The following WDR49 variants were observed in gnomAD, a reference collection of about 807,000 sequenced individuals.
WDR49 encodes cilia- and flagella-associated protein 337.
A neutral mutation model predicts 119.5 loss-of-function variants in WDR49; 107 were observed. That is an observed-to-expected ratio of 0.90 (90% CI 0.77 to 1.05). WDR49 has a LOEUF of 1.05. WDR49 is among the 50% of genes least tolerant of loss of function. The probability of loss-of-function intolerance (pLI) is 0.00; values close to 1 mark genes in which losing one functional copy is unlikely to be tolerated. For synonymous variants in WDR49, 425 were observed against 418.8 expected (o/e 1.01, Z -0.18); for missense variants, 1,240 against 1,220.5 (o/e 1.02, Z -0.24).
chr3:167,623,343 G>A (rs757956866), intron 3 of WDR49, among the ~76,000 whole-genome samples: 7 of 151,936 alleles, frequency 4.6e-5, no homozygotes, highest in Non-Finnish European at 1.5e-5. Context: ...ACACATCATA[G>A]CAAAGTAATA....
chr3:167,533,474 A>G (rs1195835609), intron 11 of WDR49, among the ~76,000 whole-genome samples: 1 of 152,100 alleles, frequency 6.6e-6, no homozygotes, highest in Non-Finnish European at 1.5e-5. Flanking sequence ...ACTTTTTATT[A>G]TTGGGTAAAA....
At chr3:167,566,794 A>G in intron 8 of WDR49, 1 of 613,206 alleles carries the variant, frequency 1.6e-6, no homozygotes, top group South Asian at 2.1e-5. Flanking sequence ...AGAAAATGTT[A>G]TTAAGAAAAT....
At chr3:167,541,606 A>G (rs1711838848) in intron 10 of WDR49, among the ~76,000 whole-genome samples, 1 of 152,180 alleles carries the variant, frequency 6.6e-6, no homozygotes, top group Non-Finnish European at 1.5e-5. Flanking sequence ...CAAATCTCAC[A>G]GAGCCTATGA....
At chr3:167,616,856 G>A (rs1305869903) in intron 5 of WDR49, among the ~76,000 whole-genome samples, 1 of 152,144 alleles carries the variant, frequency 6.6e-6, no homozygotes, top group Non-Finnish European at 1.5e-5. Context: ...ATTGTATTAT[G>A]TGTTATACTG....
intron 2 of WDR49, among the ~76,000 whole-genome samples, chr3:167,636,218 G>A (rs1717612679): frequency 6.6e-6 from 1 of 151,060 alleles, no homozygotes; most frequent in South Asian, 2.1e-4. Context: ...TACGATGTTT[G>A]GTTTTCTATT....
chr3:167,573,425 C>CACACACACACA, intron 8 of WDR49, among the ~76,000 whole-genome samples: 1 of 147,504 alleles, frequency 6.8e-6, no homozygotes, highest in Non-Finnish European at 1.5e-5. Flanking sequence ...CACACACACA[C>CACACACACACA]ACACAACACA....
chr3:167,513,531 A>G (rs1752073297), intron 16 of WDR49, among the ~76,000 whole-genome samples: 1 of 152,196 alleles, frequency 6.6e-6, no homozygotes, highest in African/African-American at 2.4e-5. Flanking sequence ...GACCAATGAC[A>G]CCATGAAGAA....
At chr3:167,530,627 A>G (rs1577220883) in intron 13 of WDR49, among the ~76,000 whole-genome samples, 1 of 151,650 alleles carries the variant, frequency 6.6e-6, no homozygotes, top group Non-Finnish European at 1.5e-5. Flanking sequence ...TTGTCCTGGG[A>G]TTAGCAATTC....
chr3:167,488,919 T>G (rs1300386179), intron 18 of WDR49, among the ~76,000 whole-genome samples: 1 of 152,106 alleles, frequency 6.6e-6, no homozygotes, highest in Non-Finnish European at 1.5e-5. Context: ...GTTTTATACT[T>G]GTTTCCTGTG....
chr3:167,622,162 T>C (rs1450287896), intron 3 of WDR49, among the ~76,000 whole-genome samples: 1 of 152,040 alleles, frequency 6.6e-6, no homozygotes, highest in Non-Finnish European at 1.5e-5. Flanking sequence ...ATTCACACAT[T>C]GGATTTACTA....
intron 4 of WDR49, among the ~76,000 whole-genome samples, chr3:167,620,874 G>T (rs1161587679): frequency 6.6e-6 from 1 of 152,100 alleles, no homozygotes; most frequent in Non-Finnish European, 1.5e-5. Flanking sequence ...AAAGGAAATT[G>T]TTCCAATTAG....
chr3:167,624,713 G>A (rs2108325290), intron 3 of WDR49, among the ~76,000 whole-genome samples: 1 of 152,188 alleles, frequency 6.6e-6, no homozygotes, highest in African/African-American at 2.4e-5. Flanking sequence ...TAAGATTTTA[G>A]TTCAGTGCTG....
intron 11 of WDR49, among the ~76,000 whole-genome samples, chr3:167,536,647 T>A (rs1022332378): frequency 2.0e-5 from 3 of 150,388 alleles, no homozygotes; most frequent in Non-Finnish European, 4.4e-5. Context: ...GCCACTGCAC[T>A]CTAGCCTGGG....
intron 10 of WDR49, among the ~76,000 whole-genome samples, chr3:167,551,116 C>G (rs897199870): frequency 1.3e-5 from 2 of 151,938 alleles, no homozygotes; most frequent in African/African-American, 4.8e-5. Context: ...ATATGAATGA[C>G]TGTATTCCCA....
At chr3:167,525,021 A>T (rs1263516265) in intron 15 of WDR49, among the ~76,000 whole-genome samples, 1 of 152,124 alleles carries the variant, frequency 6.6e-6, no homozygotes, top group Non-Finnish European at 1.5e-5. Flanking sequence ...CATGATATCG[A>T]TTCTTCCTGT....
At position 167,503,567 on chromosome 3, in the gene WDR49, G is replaced by A. The variant is rs1402806872; in HGVS notation, c.2884+1740C>T. ...GACTAGTGTTCAGCTCAATTAGGAC[G>A]AACCAGGGCACTTAGCCGTGCAGGA... On this transcript the variant is annotated intron_variant, in intron 17 of 18. Coordinates refer to ENST00000682715, the MANE Select transcript of WDR49 (RefSeq NM_001366157.1). Among the ~76,000 whole-genome samples the A allele has an allele frequency of 8.5e-5, 13 of 152,294 alleles. No homozygotes were observed. In the South Asian group the frequency reaches 1.7e-3, roughly 19 times the overall value.
chr3:167,601,881 A>T (rs1054970942), intron 7 of WDR49, among the ~76,000 whole-genome samples: 1 of 152,200 alleles, frequency 6.6e-6, no homozygotes, highest in African/African-American at 2.4e-5. Context: ...AGCCCAATAA[A>T]GATTAAATCC....
chr3:167,516,530 C>T lies in WDR49; in HGVS notation c.2774+5785G>A, dbSNP rs149029800. 6.7e-3 allele frequency among the ~76,000 whole-genome samples: 1,012 copies of T among 152,086 alleles called. 7 individuals carry two copies. The highest frequency in any genetic ancestry group is 8.5e-3 in the Non-Finnish European group (580 of 67,990). ...GACATTTGGGTTGGTTCCAAGTCGT[C>T]GTTATTGTGAATAGTGCCACAATAA... On this transcript the variant is annotated intron_variant, in intron 16 of 18. Coordinates refer to ENST00000682715, the MANE Select transcript of WDR49 (RefSeq NM_001366157.1).
At chr3:167,528,973 C>A (rs1445457123) in intron 14 of WDR49, 79 bp downstream of exon 14, 3 of 1,231,726 alleles carry the variant, frequency 2.4e-6, no homozygotes, top group Non-Finnish European at 3.3e-6. Context: ...AGGAGACAGA[C>A]AAGGCTTGAT....
Sources: allele counts gnomAD v4.1 joint callset (sites outside exome capture counted in the v4.1 genomes callset), GRCh38; gene constraint gnomAD v4.1.1; transcripts MANE v1.5; gene names NCBI Gene and HGNC (gene_info 2026-07-23, HGNC 2026-07-21).